GABRB2: variants seen among roughly 807,000 people sequenced by gnomAD.
GABRB2 encodes gamma-aminobutyric acid receptor subunit beta-2.
GABRB2 carries 16 observed loss-of-function variants against 54.7 expected under a neutral mutation model. The observed-to-expected ratio is 0.29, with a 90% confidence interval of 0.20 to 0.44. The LOEUF (loss-of-function observed/expected upper bound fraction) is 0.44, where lower values mean the gene tolerates loss of function less well. GABRB2 is among the 20% of genes least tolerant of loss of function. The pLI is 1.00. For synonymous variants in GABRB2, 244 were observed against 233.8 expected, an observed-to-expected ratio of 1.04 and a Z score of -0.40; for missense variants, 355 against 644.0, an observed-to-expected ratio of 0.55 and a Z score of 4.86.
At chr5:161,322,056 T>C (rs1413721069) in intron 9 of GABRB2, among the ~76,000 whole-genome samples, 2 of 152,164 alleles carry the variant, frequency 1.3e-5, no homozygotes, top group African/African-American at 4.8e-5. Context: ...TCTGTAGTCA[T>C]ATTTTCTGTT....
chr5:161,353,487 A>G (rs1754530617), intron 5 of GABRB2, among the ~76,000 whole-genome samples: 1 of 152,018 alleles, frequency 6.6e-6, no homozygotes, highest in African/African-American at 2.4e-5. Flanking sequence ...TAATTAGGTC[A>G]GTGATTTCAA....
intron 5 of GABRB2, among the ~76,000 whole-genome samples, chr5:161,339,040 T>C (rs1754076576): frequency 6.6e-6 from 1 of 152,124 alleles, no homozygotes; most frequent in Non-Finnish European, 1.5e-5. Context: ...TGTAATCCAA[T>C]TTCTTATCAG....
intron 9 of GABRB2, 80 bp downstream of exon 9, chr5:161,326,288 A>G: frequency 1.3e-6 from 2 of 1,578,948 alleles, no homozygotes; most frequent in Non-Finnish European, 1.7e-6. Context: ...CAAAGATCCC[A>G]CACATTTTTT....
chr5:161,420,502 A>C (rs1304082333), intron 4 of GABRB2, among the ~76,000 whole-genome samples: 2 of 152,196 alleles, frequency 1.3e-5, no homozygotes, highest in Non-Finnish European at 2.9e-5. Flanking sequence ...GATGTGGCCA[A>C]TGGGGAGTAG....
intron 4 of GABRB2, among the ~76,000 whole-genome samples, chr5:161,439,545 C>T (rs557702095): frequency 1.3e-5 from 2 of 150,536 alleles, no homozygotes; most frequent in South Asian, 4.2e-4. Flanking sequence ...TACTCTTTTC[C>T]TAAGTAGAAA....
At chr5:161,357,964 T>C (rs1744711707) in intron 5 of GABRB2, among the ~76,000 whole-genome samples, 1 of 152,116 alleles carries the variant, frequency 6.6e-6, no homozygotes, top group East Asian at 1.9e-4. Flanking sequence ...AGAAGCCTGA[T>C]TGGAGACAAA....
intron 4 of GABRB2, among the ~76,000 whole-genome samples, chr5:161,422,855 A>G (rs1440732101): frequency 6.6e-6 from 1 of 152,174 alleles, no homozygotes; most frequent in Admixed American, 6.5e-5. Flanking sequence ...TGCCATTTAA[A>G]TGTTGGTGGA....
chr5:161,456,455 C>T (rs573376502), intron 4 of GABRB2, among the ~76,000 whole-genome samples: 1 of 152,258 alleles, frequency 6.6e-6, no homozygotes, highest in South Asian at 2.1e-4. Context: ...CATCTAAACA[C>T]TTTTTTATCT....
At chr5:161,526,660 A>G (rs1760290954) in intron 3 of GABRB2, among the ~76,000 whole-genome samples, 2 of 151,438 alleles carry the variant, frequency 1.3e-5, no homozygotes. Flanking sequence ...AAAGACAACC[A>G]TCTTCTGATA....
chr5:161,376,837 T>C (rs961200017), intron 5 of GABRB2, among the ~76,000 whole-genome samples: 3 of 151,926 alleles, frequency 2.0e-5, no homozygotes, highest in Admixed American at 6.6e-5. Context: ...GTGATAGAAG[T>C]AGGGAGAAAA....
At chr5:161,402,964 T>C (rs1756244282) in intron 5 of GABRB2, among the ~76,000 whole-genome samples, 2 of 151,762 alleles carry the variant, frequency 1.3e-5, no homozygotes. Flanking sequence ...TTTTAAAAAA[T>C]CCCCAGCGAT....
At chr5:161,518,053 C>T (rs991345187) in intron 3 of GABRB2, among the ~76,000 whole-genome samples, 12 of 152,102 alleles carry the variant, frequency 7.9e-5, no homozygotes, top group African/African-American at 2.4e-4. Flanking sequence ...CGTGATCGGC[C>T]CGCCCCAGCC....
chr5:161,500,054 T>G (rs1049717603), intron 3 of GABRB2, among the ~76,000 whole-genome samples: 7 of 152,130 alleles, frequency 4.6e-5, no homozygotes, highest in African/African-American at 1.4e-4. Context: ...AGTGCAGAAT[T>G]TTAGCTTTAA....
chr5:161,477,268 GACAA>G (rs202067210), intron 3 of GABRB2, among the ~76,000 whole-genome samples: 3,139 of 121,080 alleles, frequency 0.026, 51 homozygotes, highest in Non-Finnish European at 0.037. Flanking sequence ...AACTACTATA[GACAA>G]ACAAACAAAA....
intron 3 of GABRB2, among the ~76,000 whole-genome samples, chr5:161,544,563 G>A (rs967316025): frequency 6.6e-6 from 1 of 152,212 alleles, no homozygotes; most frequent in South Asian, 2.1e-4. Flanking sequence ...AGCCACTAAG[G>A]AGTACTGCTG....
At chr5:161,337,141 A>C (rs1561613105) in intron 5 of GABRB2, among the ~76,000 whole-genome samples, 1 of 152,174 alleles carries the variant, frequency 6.6e-6, no homozygotes, top group South Asian at 2.1e-4. Flanking sequence ...TCTATCAAAC[A>C]TTATCACATT....
At chr5:161,477,535 T>C (rs1758631156) in intron 3 of GABRB2, among the ~76,000 whole-genome samples, 1 of 151,874 alleles carries the variant, frequency 6.6e-6, no homozygotes, top group Non-Finnish European at 1.5e-5. Context: ...TGAATCACAA[T>C]AGTCAAGAGG....
chr5:161,331,628 G>T (rs1580985367), intron 7 of GABRB2, among the ~76,000 whole-genome samples: 1 of 152,050 alleles, frequency 6.6e-6, no homozygotes, highest in East Asian at 1.9e-4. Context: ...TTGGGGGAGA[G>T]TACACAGTCC....
At chr5:161,387,365 C>T (rs868545660) in intron 5 of GABRB2, among the ~76,000 whole-genome samples, 18 of 152,158 alleles carry the variant, frequency 1.2e-4, no homozygotes, top group Admixed American at 2.0e-4. Flanking sequence ...AACCGAGAGG[C>T]TGTGCTCACT....
Sources: allele counts gnomAD v4.1 joint callset (sites outside exome capture counted in the v4.1 genomes callset), GRCh38; gene constraint gnomAD v4.1.1; transcripts MANE v1.5; gene names NCBI Gene and HGNC (gene_info 2026-07-23, HGNC 2026-07-21).